GPBP1: variants seen among roughly 807,000 people sequenced by gnomAD.
GPBP1 encodes vasculin.
Under a neutral mutation model 56.5 loss-of-function variants are expected in GPBP1, and 13 were observed. That is an observed-to-expected ratio of 0.23 (90% CI 0.15 to 0.37). The LOEUF is 0.37. GPBP1 is among the 10% of genes least tolerant of loss of function. The pLI, the probability that GPBP1 is intolerant of heterozygous loss-of-function variation, is 1.00. For synonymous variants in GPBP1, 204 were observed against 188.9 expected, an observed-to-expected ratio of 1.08 and a Z score of -0.66; for missense variants, 477 against 572.3, an observed-to-expected ratio of 0.83 and a Z score of 1.70.
intron 10 of GPBP1, among the ~76,000 whole-genome samples, chr5:57,253,893 G>A (rs974561000): frequency 5.3e-5 from 8 of 152,244 alleles, no homozygotes; most frequent in African/African-American, 1.9e-4. Flanking sequence ...CAGAGGGCTG[G>A]GAGTAGAGGC....
intron 2 of GPBP1, among the ~76,000 whole-genome samples, chr5:57,204,206 G>A (rs112502598): frequency 1.5e-3 from 223 of 152,108 alleles, no homozygotes; most frequent in African/African-American, 4.9e-3. Context: ...AGTTAAACAC[G>A]TAACTCAAAA....
chr5:57,244,727 A>ATTTTTTTTT (rs532660984), intron 6 of GPBP1, among the ~76,000 whole-genome samples: 16 of 93,168 alleles, frequency 1.7e-4, no homozygotes, highest in Non-Finnish European at 2.2e-4. Flanking sequence ...TTTGTTTGAG[A>ATTTTTTTTT]TTTTTTTTTT....
At chr5:57,236,067 A>G in intron 6 of GPBP1, 35 bp downstream of exon 6, 1 of 1,297,946 alleles carries the variant, frequency 7.7e-7, no homozygotes, top group Non-Finnish European at 1.1e-6. Flanking sequence ...GAGGGGCACA[A>G]AATGTTGATA....
intron 2 of GPBP1, among the ~76,000 whole-genome samples, chr5:57,194,377 G>C (rs1004071518): frequency 2.0e-5 from 3 of 151,974 alleles, no homozygotes; most frequent in African/African-American, 7.2e-5. Context: ...TTTTTGCCTT[G>C]TGTAAAAAAT....
At chr5:57,252,279 T>G (rs1741434236) in intron 10 of GPBP1, among the ~76,000 whole-genome samples, 1 of 151,960 alleles carries the variant, frequency 6.6e-6, no homozygotes, top group African/African-American at 2.4e-5. Context: ...GCAGAAAGTT[T>G]TAATTTTGAT....
intron 2 of GPBP1, among the ~76,000 whole-genome samples, chr5:57,209,072 T>C (rs955946923): frequency 5.9e-5 from 9 of 152,226 alleles, no homozygotes; most frequent in Admixed American, 4.6e-4. Context: ...TATTTTATGC[T>C]TTTGGATTTT....
intron 3 of GPBP1, among the ~76,000 whole-genome samples, chr5:57,216,432 A>G (rs1377973039): frequency 6.6e-6 from 1 of 152,134 alleles, no homozygotes; most frequent in Non-Finnish European, 1.5e-5. Context: ...TAAAAAACAA[A>G]ACACCGTGGT....
At position 57,175,830 on chromosome 5, in the gene GPBP1, T is replaced by C. The variant is rs1753769992; in HGVS notation, c.-628T>C. On this transcript the variant is annotated 5_prime_UTR_variant, in exon 2 of 12. Transcript: ENST00000506184. ...CAAATGACTGAGTATTGCTGAAGTTTCATGGCAGTTTATTTTTACCTTTAT... is the reference window on the plus strand; with the variant it reads ...CAAATGACTGAGTATTGCTGAAGTTCCATGGCAGTTTATTTTTACCTTTAT... The C allele has an allele frequency of 2.5e-6, 1 of 397,198 alleles. No individual in the cohort carries two copies. Among genetic ancestry groups the C allele is most frequent in the Non-Finnish European group, 4.4e-6 (1 of 225,748 alleles). The allele number at this position is 397,198 out of a possible 1,614,324, so 24.6% of individuals were successfully genotyped here. A position where few individuals can be genotyped will look rare whatever the true frequency, so the allele number is the denominator to read the frequency against.
intron 10 of GPBP1, among the ~76,000 whole-genome samples, chr5:57,256,472 GTTACT>G (rs1391333429): frequency 6.6e-6 from 1 of 151,140 alleles, no homozygotes; most frequent in African/African-American, 2.4e-5. Flanking sequence ...TTATATTTAG[GTTACT>G]TTAAAAGTTT....
chr5:57,246,623 A>ACCT, intron 7 of GPBP1, 139 bp downstream of exon 7: 1 of 598,104 alleles, frequency 1.7e-6, no homozygotes, highest in East Asian at 2.8e-5. Context: ...GAGTTGACCC[A>ACCT]TATGTGCTCT....
intron 2 of GPBP1, among the ~76,000 whole-genome samples, chr5:57,183,103 T>A (rs898123720): frequency 2.0e-5 from 3 of 152,142 alleles, no homozygotes; most frequent in African/African-American, 7.2e-5. Flanking sequence ...TGGTGGCTCA[T>A]GCCTGTAATC....
chr5:57,208,649 G>GTTTTTTT (rs1755340177), intron 2 of GPBP1, among the ~76,000 whole-genome samples: 1 of 137,266 alleles, frequency 7.3e-6, no homozygotes, highest in Non-Finnish European at 1.6e-5. Flanking sequence ...TCTGTCTTTT[G>GTTTTTTT]TTTTTCTTTT....
intron 2 of GPBP1, among the ~76,000 whole-genome samples, chr5:57,209,179 C>T (rs895498940): frequency 6.6e-5 from 10 of 151,960 alleles, no homozygotes; most frequent in Admixed American, 3.3e-4. Flanking sequence ...ATCTTGGCAG[C>T]GTTCCTGAAT....
At position 57,247,034 on chromosome 5, in the gene GPBP1, CTGTT is replaced by C. The variant is rs763713827; in HGVS notation, c.664-39_664-36del. 140 of 1,570,016 alleles carry C rather than the reference CTGTT, an allele frequency of 8.9e-5. No individual in the cohort carries two copies. In the African/African-American group the frequency reaches 1.7e-3, roughly 19 times the overall value. ...ACTGTTTTTGTCTTTCTCCTGTAAC[CTGTT>C]TTTGATAGCCATTAATGTTTGTGTG... On this transcript the variant is annotated intron_variant, in intron 7 of 11. Transcript: ENST00000506184.
intron 3 of GPBP1, among the ~76,000 whole-genome samples, chr5:57,224,476 C>T (rs1228705012): frequency 6.6e-6 from 1 of 152,078 alleles, no homozygotes; most frequent in Non-Finnish European, 1.5e-5. Flanking sequence ...CTCCTGACCT[C>T]AGGCAGTCCA....
rs527344439 is a variant in GPBP1, at chr5:57,231,263, A to G, written c.353A>G (p.Asn118Ser). The change falls in exon 5 of 12, where the codon AAT becomes AGT. Residue 118 changes from asparagine (N) to serine (S), a missense_variant. Transcript: ENST00000506184. Reference protein sequence around the residue: ...QGLHENNIPDNETGRKEDKRE... With the variant: ...QGLHENNIPDSETGRKEDKRE... ...CTACATGAAAACAACATACCTGACA[A>G]TGAAACCGGGAGGAAAGAAGACAAG... The G allele has an allele frequency of 1.6e-5, 26 of 1,614,156 alleles. No homozygotes were observed. In the African/African-American group the frequency reaches 2.0e-4, roughly 12 times the overall value.
intron 10 of GPBP1, among the ~76,000 whole-genome samples, chr5:57,251,354 A>G (rs534211014): frequency 1.3e-5 from 2 of 152,146 alleles, no homozygotes; most frequent in East Asian, 1.9e-4. Flanking sequence ...GGCAGCTACT[A>G]TTCTTTCTAT....
At chr5:57,211,158 CTT>C (rs869221194) in intron 2 of GPBP1, among the ~76,000 whole-genome samples, 1 of 143,316 alleles carries the variant, frequency 7.0e-6, no homozygotes, top group African/African-American at 2.5e-5. Flanking sequence ...ACAATACTGC[CTT>C]TTTTTTTTTT....
chr5:57,208,514 T>C (rs931378118), intron 2 of GPBP1, among the ~76,000 whole-genome samples: 1 of 152,062 alleles, frequency 6.6e-6, no homozygotes, highest in Non-Finnish European at 1.5e-5. Context: ...ATTATAGGCG[T>C]GAACCACTGT....
Sources: gnomAD v4.1 joint callset for allele counts (sites outside exome capture counted in the v4.1 genomes callset) on GRCh38, gnomAD v4.1.1 for gene constraint, MANE v1.5 for transcripts, NCBI Gene and HGNC (gene_info 2026-07-23, HGNC 2026-07-21) for gene names.